The following MNAT1 variants were observed in gnomAD, a reference collection of about 807,000 sequenced individuals.
The protein encoded by MNAT1 is CDK-activating kinase assembly factor MAT1.
In MNAT1, 43 loss-of-function variants were observed where a neutral mutation model predicts 42.0. The ratio of observed to expected loss-of-function variants is 1.02; its 90% CI spans 0.80 to 1.32. MNAT1 has a LOEUF of 1.32. Among genes scored for constraint, MNAT1 ranks in the 40% most tolerant of loss-of-function variants. The pLI is 0.00. For missense variants in MNAT1, 306 were observed against 350.4 expected (o/e 0.87, Z 1.01); for synonymous variants, 118 against 120.0 (o/e 0.98, Z 0.11).
At chr14:60,827,174 TAAAAAC>T (rs905456485) in intron 6 of MNAT1, among the ~76,000 whole-genome samples, 1 of 152,208 alleles carries the variant, frequency 6.6e-6, no homozygotes, top group African/African-American at 2.4e-5. Flanking sequence ...TAAAAGTACT[TAAAAAC>T]AAAAGAATTG....
chr14:60,866,086 A>T (rs957089103), intron 6 of MNAT1, among the ~76,000 whole-genome samples: 2 of 152,130 alleles, frequency 1.3e-5, no homozygotes, highest in Non-Finnish European at 2.9e-5. Context: ...ACTAAAGTTG[A>T]AAACAACAAA....
At chr14:60,748,389 C>T (rs2029924143) in intron 1 of MNAT1, among the ~76,000 whole-genome samples, 1 of 152,018 alleles carries the variant, frequency 6.6e-6, no homozygotes, top group African/African-American at 2.4e-5. Flanking sequence ...CGCCACTGTG[C>T]CCAGTTAGTT....
At chr14:60,953,269 G>A (rs954109643) in intron 7 of MNAT1, among the ~76,000 whole-genome samples, 2 of 152,138 alleles carry the variant, frequency 1.3e-5, no homozygotes, top group South Asian at 4.1e-4. Flanking sequence ...CCCCATGTCT[G>A]TTAGCGTGTA....
Position 60,954,945 on chromosome 14 carries a change from G to A in MNAT1, c.810-13284G>A, listed in dbSNP as rs375149325. ...TTATCATGAAAGGACGTTGAATTTTGTTAAATGCTTTTTTTATATTTATTG... is the reference window on the plus strand; with the variant it reads ...TTATCATGAAAGGACGTTGAATTTTATTAAATGCTTTTTTTATATTTATTG... On this transcript the variant is annotated intron_variant, in intron 7 of 7. Transcript: ENST00000261245. Among the ~76,000 whole-genome samples, 3 of 152,012 alleles carry A rather than the reference G, an allele frequency of 2.0e-5. No homozygotes were observed. The East Asian group carries it at 5.8e-4, about 29-fold the overall frequency.
At chr14:60,884,207 A>G (rs2034612215) in intron 7 of MNAT1, among the ~76,000 whole-genome samples, 1 of 152,056 alleles carries the variant, frequency 6.6e-6, no homozygotes, top group Non-Finnish European at 1.5e-5. Flanking sequence ...GGTCTGTTAT[A>G]TATGGCTTTC....
At position 60,812,108 on chromosome 14, in the gene MNAT1, A is replaced by G; in HGVS notation, c.542A>G (p.Gln181Arg). The G allele has an allele frequency of 1.9e-6, 3 of 1,583,456 alleles. No homozygotes were observed. Among genetic ancestry groups the G allele is most frequent in the Non-Finnish European group, 2.6e-6 (3 of 1,169,540 alleles). The change falls in exon 5 of 8, where the codon CAG becomes CGG. Residue 181 changes from glutamine (Q) to arginine (R), a missense_variant. By Grantham distance (43) the Gln-to-Arg change is conservative (BLOSUM62 1). This residue lies in a region of MNAT1 where 118 missense variants were observed against 99.8 expected (regional missense o/e 1.18). Transcript: ENST00000261245. ...CAGATTCTAAAAAGGAAGAATAAGC[A>G]GGCTTTTTTAGATGAGCTGGTATGT... is the stretch of plus-strand genomic sequence containing the variant. ...LQQILKRKNK[Q>R]AFLDELESSD... is the part of the protein sequence containing the mutation.
intron 7 of MNAT1, among the ~76,000 whole-genome samples, chr14:60,914,911 G>A (rs1177758630): frequency 2.0e-5 from 3 of 152,166 alleles, no homozygotes; most frequent in African/African-American, 7.2e-5. Flanking sequence ...TTTTTGAAGG[G>A]AATAATGTTT....
At chr14:60,838,919 C>A (rs566496935) in intron 6 of MNAT1, among the ~76,000 whole-genome samples, 23 of 152,124 alleles carry the variant, frequency 1.5e-4, no homozygotes, top group Non-Finnish European at 2.4e-4. Flanking sequence ...GCAGCACTGA[C>A]CTGCCAGCCC....
At position 60,812,088 on chromosome 14, in the gene MNAT1, T is replaced by C. The variant is rs773150840; in HGVS notation, c.522T>C (p.Ile174=). The C allele has an allele frequency of 6.3e-7, 1 of 1,591,710 alleles. No individual in the cohort carries two copies. The highest frequency in any genetic ancestry group is 8.5e-7 in the Non-Finnish European group (1 of 1,171,800). The change falls in exon 5 of 8, where the codon ATT becomes ATC. Residue 174 remains isoleucine, a synonymous_variant. Transcript: ENST00000261245. ...FIQKEEQLQQ[I]LKRKNKQAFL... The stretch of plus-strand genomic sequence containing the variant: ...AAAAAGAAGAACAACTGCAGCAGAT[T>C]CTAAAAAGGAAGAATAAGCAGGCTT...
chr14:60,776,324 A>G (rs750865558), intron 1 of MNAT1, among the ~76,000 whole-genome samples: 1 of 152,146 alleles, frequency 6.6e-6, no homozygotes, highest in Non-Finnish European at 1.5e-5. Flanking sequence ...GAGATGCTAG[A>G]AACAGACAAC....
chr14:60,939,243 TCTGA>T (rs2036081170), intron 7 of MNAT1, among the ~76,000 whole-genome samples: 1 of 152,208 alleles, frequency 6.6e-6, no homozygotes, highest in African/African-American at 2.4e-5. Flanking sequence ...TCAGTTCTGC[TCTGA>T]CTTAGTTATT....
chr14:60,904,803 AG>A (rs1223114561), intron 7 of MNAT1, among the ~76,000 whole-genome samples: 1 of 152,038 alleles, frequency 6.6e-6, no homozygotes, highest in East Asian at 1.9e-4. Flanking sequence ...ATATTTTTAC[AG>A]GACCCTTAAA....
intron 1 of MNAT1, among the ~76,000 whole-genome samples, chr14:60,794,069 A>G (rs2031920099): frequency 6.6e-6 from 1 of 152,180 alleles, no homozygotes; most frequent in Non-Finnish European, 1.5e-5. Flanking sequence ...TGCTGACTAA[A>G]CTATTGATTG....
chr14:60,907,721 G>A (rs1041998216), intron 7 of MNAT1, among the ~76,000 whole-genome samples: 6 of 149,142 alleles, frequency 4.0e-5, no homozygotes, highest in Non-Finnish European at 5.9e-5. Context: ...GGCAGAGGTT[G>A]TGGTGAGCCA....
At chr14:60,927,670 A>G (rs1202060611) in intron 7 of MNAT1, among the ~76,000 whole-genome samples, 2 of 152,126 alleles carry the variant, frequency 1.3e-5, no homozygotes, top group Non-Finnish European at 2.9e-5. Context: ...TGAACCACGT[A>G]TTCTTCCCAC....
chr14:60,862,936 A>G (rs1433005868), intron 6 of MNAT1, among the ~76,000 whole-genome samples: 1 of 152,108 alleles, frequency 6.6e-6, no homozygotes, highest in Admixed American at 6.6e-5. Flanking sequence ...GTGCAGGGAT[A>G]TGTGCATGGT....
intron 1 of MNAT1, among the ~76,000 whole-genome samples, chr14:60,750,529 C>CTT (rs775053270): frequency 1.4e-3 from 129 of 90,556 alleles, no homozygotes; most frequent in African/African-American, 3.5e-3. Context: ...TGCGCCCAGC[C>CTT]TTTTTTTTTT....
intron 7 of MNAT1, among the ~76,000 whole-genome samples, chr14:60,883,932 A>T (rs1043549227): frequency 2.0e-4 from 31 of 151,936 alleles, no homozygotes; most frequent in Admixed American, 6.6e-5. Flanking sequence ...CTGCAACTTT[A>T]CTCAATTTGT....
chr14:60,837,345 G>A (rs2033420576), intron 6 of MNAT1, among the ~76,000 whole-genome samples: 1 of 152,238 alleles, frequency 6.6e-6, no homozygotes, highest in African/African-American at 2.4e-5. Context: ...CAGGGCCCTG[G>A]TGGCTAGGCA....
Sources: gnomAD v4.1 joint callset for allele counts (sites outside exome capture counted in the v4.1 genomes callset) on GRCh38, gnomAD v4.1.1 for gene constraint, gnomAD v4.1.1 regional missense constraint, MANE v1.5 for transcripts, NCBI Gene and HGNC (gene_info 2026-07-23, HGNC 2026-07-21) for gene names.